Variants in IRAK1BP1 observed in about 807,000 individuals in gnomAD.
The protein encoded by IRAK1BP1 is interleukin-1 receptor-associated kinase 1-binding protein 1.
IRAK1BP1 carries 24 observed loss-of-function variants against 28.0 expected under a neutral mutation model. That is an observed-to-expected ratio of 0.86 (90% CI 0.62 to 1.20). The LOEUF (loss-of-function observed/expected upper bound fraction) is 1.20, where lower values mean the gene tolerates loss of function less well. Ranked by LOEUF, IRAK1BP1 falls within the 50% of genes most tolerant of loss-of-function variation. The probability of loss-of-function intolerance (pLI) is 0.00; values close to 1 mark genes in which losing one functional copy is unlikely to be tolerated. For synonymous variants in IRAK1BP1, 131 were observed against 116.3 expected, an observed-to-expected ratio of 1.13 and a Z score of -0.81; for missense variants, 336 against 316.7, an observed-to-expected ratio of 1.06 and a Z score of -0.46.
the IRAK1BP1 span, among the ~76,000 whole-genome samples, chr6:78,962,189 A>G: frequency 6.6e-6 from 1 of 152,122 alleles, no homozygotes; most frequent in African/African-American, 2.4e-5. Context: ...CTAACCTTTG[A>G]CTTTCTCAAA....
rs1274251557 is a variant in IRAK1BP1 at position 78,898,669 on chromosome 6, A to T, written c.*335A>T. ...GACCCTTGCATTTCATAATTTTTAA[A>T]GATATTTAAGCTAAAATTTTCTCAG... On this transcript the variant is annotated 3_prime_UTR_variant, in exon 4 of 4. Transcript: ENST00000369940. The T allele has an allele frequency of 6.6e-6, 1 of 151,782 alleles. No homozygotes were observed. The highest frequency in any genetic ancestry group is 2.4e-5 in the African/African-American group (1 of 41,370). 9.4% of individuals were successfully genotyped at this position (151,782 alleles called of 1,614,324 possible).
At chr6:78,943,990 T>A (rs6454091) in intron 4 of IRAK1BP1, among the ~76,000 whole-genome samples, 22,243 of 78,368 alleles carry the variant, frequency 0.28, 4,202 homozygotes, top group African/African-American at 0.3. Flanking sequence ...TGTCTTTTTT[T>A]AAAAAAAAAA....
chr6:78,940,076 T>TAA (rs10654924), intron 4 of IRAK1BP1: 136,161 of 152,314 alleles, frequency 0.89, 60,890 homozygotes, highest in Admixed American at 0.9. Context: ...CATTTTCTCT[T>TAA]GTTTGGCAGA....
the IRAK1BP1 span, chr6:78,955,018 T>C: frequency 6.8e-6 from 9 of 1,315,788 alleles, no homozygotes; most frequent in Non-Finnish European, 9.3e-6. Context: ...CAATAAAATT[T>C]GTACTTTTAA....
exon 5 of IRAK1BP1, chr6:78,946,035 T>G: frequency 6.2e-7 from 1 of 1,611,390 alleles, no homozygotes; most frequent in Non-Finnish European, 8.5e-7. Flanking sequence ...CATTAGCTTT[T>G]GTAATAAAAG....
Position 78,898,086 on chromosome 6 carries a change from G to A in IRAK1BP1, c.535G>A (p.Val179Ile), listed in dbSNP as rs753800635. 1 of 1,611,710 alleles carries A rather than the reference G, an allele frequency of 6.2e-7. No individual in the cohort carries two copies. The change falls in exon 4 of 4, where the codon GTT becomes ATT. Residue 179 changes from valine (V) to isoleucine (I), a missense_variant. By Grantham distance (29) the Val-to-Ile change is conservative. Transcript: ENST00000369940. ...NLRRQACLVA[V>I]ENAWRKAQEV... The stretch of plus-strand genomic sequence containing the variant: ...AAGACGGCAAGCCTGTCTTGTTGCT[G>A]TTGAGAATGCGTGGCGCAAAGCTCA...
At chr6:78,876,015 T>C (rs948950616) in intron 1 of IRAK1BP1, among the ~76,000 whole-genome samples, 2 of 152,182 alleles carry the variant, frequency 1.3e-5, no homozygotes, top group African/African-American at 4.8e-5. Context: ...ATTGTTATCA[T>C]CATGATTTGT....
chr6:78,908,353 A>G (rs1772314918), intron 4 of IRAK1BP1, among the ~76,000 whole-genome samples: 1 of 151,698 alleles, frequency 6.6e-6, no homozygotes, highest in Admixed American at 6.6e-5. Flanking sequence ...CTCGGCCATT[A>G]TTTTTTATTT....
At chr6:78,936,472 C>T (rs1238897515) in intron 4 of IRAK1BP1, 1 of 151,790 alleles carries the variant, frequency 6.6e-6, no homozygotes, top group African/African-American at 2.4e-5. Context: ...TTAAAGTAAC[C>T]AGCATGTGTG....
intron 4 of IRAK1BP1, among the ~76,000 whole-genome samples, chr6:78,943,820 A>G (rs181479167): frequency 2.6e-5 from 4 of 151,890 alleles, no homozygotes; most frequent in East Asian, 1.9e-4. Flanking sequence ...AATCCTGTCT[A>G]TATCAAAAAT....
intron 4 of IRAK1BP1, among the ~76,000 whole-genome samples, chr6:78,919,262 G>A (rs1379080265): frequency 2.6e-5 from 4 of 152,016 alleles, no homozygotes; most frequent in South Asian, 4.2e-4. Flanking sequence ...TCAAATAAAT[G>A]TTCTGACTCA....
chr6:78,903,376 A>G (rs1772170722), downstream of IRAK1BP1, among the ~76,000 whole-genome samples: 1 of 152,118 alleles, frequency 6.6e-6, no homozygotes, highest in Non-Finnish European at 1.5e-5. Context: ...CTGTAATCCC[A>G]GCTACTCGGG....
intron 4 of IRAK1BP1, among the ~76,000 whole-genome samples, chr6:78,920,640 T>G (rs959616905): frequency 1.3e-5 from 2 of 152,146 alleles, no homozygotes; most frequent in Admixed American, 1.3e-4. Flanking sequence ...CAACTCAAGA[T>G]GGATTTGAAG....
chr6:78,875,054 G>A (rs568328615), intron 1 of IRAK1BP1, among the ~76,000 whole-genome samples: 26 of 152,072 alleles, frequency 1.7e-4, no homozygotes, highest in South Asian at 8.3e-4. Context: ...AAACAATCTC[G>A]TGAAAAAGTG....
At chr6:78,945,896 GTGTC>G in exon 5 of IRAK1BP1, 1 of 785,828 alleles carries the variant, frequency 1.3e-6, no homozygotes, top group Non-Finnish European at 2.1e-6. Flanking sequence ...AAAAACAACA[GTGTC>G]TGCTAGGAAT....
At chr6:78,892,123 T>C (rs900429070) in intron 2 of IRAK1BP1, among the ~76,000 whole-genome samples, 10 of 152,170 alleles carry the variant, frequency 6.6e-5, no homozygotes, top group Middle Eastern at 3.2e-3. Context: ...CCTTAAAATA[T>C]ATACTTGAAG....
intron 2 of IRAK1BP1, among the ~76,000 whole-genome samples, chr6:78,889,572 CAA>C (rs34963207): frequency 1.7e-5 from 2 of 116,928 alleles, no homozygotes. Flanking sequence ...CTGAAATTTA[CAA>C]AAAAAAAAAA....
exon 5 of IRAK1BP1, chr6:78,945,775 A>G: frequency 3.4e-6 from 2 of 589,544 alleles, no homozygotes; most frequent in Non-Finnish European, 3.0e-6. Context: ...AAATTCAGGT[A>G]GTTTAGATCA....
chr6:78,918,803 G>T (rs542147956), intron 4 of IRAK1BP1, among the ~76,000 whole-genome samples: 2 of 152,028 alleles, frequency 1.3e-5, no homozygotes, highest in African/African-American at 4.8e-5. Flanking sequence ...TCATCAAGGC[G>T]GAAAACTAAC....
Sources: gnomAD v4.1 joint callset for allele counts (sites outside exome capture counted in the v4.1 genomes callset) on GRCh38, gnomAD v4.1.1 for gene constraint, MANE v1.5 for transcripts, NCBI Gene and HGNC (gene_info 2026-07-23, HGNC 2026-07-21) for gene names.